SSBP2: variants seen among roughly 807,000 people sequenced by gnomAD.
The protein encoded by SSBP2 is single-stranded DNA-binding protein 2.
SSBP2 carries 17 observed loss-of-function variants against 61.8 expected under a neutral mutation model. That is an observed-to-expected ratio of 0.28 (90% CI 0.19 to 0.41). SSBP2 has a LOEUF of 0.41. SSBP2 is among the 10% of genes least tolerant of loss of function. The pLI is 1.00. For missense variants in SSBP2, 310 were observed against 458.7 expected (o/e 0.68, Z 2.96); for synonymous variants, 139 against 141.3 (o/e 0.98, Z 0.12).
intron 2 of SSBP2, among the ~76,000 whole-genome samples, chr5:81,640,589 TAAA>T (rs1748695323): frequency 6.6e-6 from 1 of 152,114 alleles, no homozygotes; most frequent in South Asian, 2.1e-4. Flanking sequence ...TCTTGGTTCA[TAAA>T]AAATAAGAAA....
intron 1 of SSBP2, among the ~76,000 whole-genome samples, chr5:81,741,508 C>T (rs996395490): frequency 2.0e-4 from 31 of 152,078 alleles, no homozygotes; most frequent in Non-Finnish European, 4.3e-4. Flanking sequence ...TATATTACCA[C>T]ATTAAAAAAG....
rs1001621848 is a variant in SSBP2, at chr5:81,414,931, C to T, written c.*5573G>A. 6.6e-6 allele frequency: 1 copy of T among 152,144 alleles called. No homozygotes were observed. Among genetic ancestry groups the T allele is most frequent in the Non-Finnish European group, 1.5e-5 (1 of 68,022 alleles). 9.4% of individuals were successfully genotyped at this position (152,144 alleles called of 1,614,324 possible). A position where few individuals can be genotyped will look rare whatever the true frequency, so the allele number is the denominator to read the frequency against. ...AAACTTCATATTACTATTCCCAACA[C>T]ACACACACAGGTACACGCAACATAT... is the stretch of plus-strand genomic sequence containing the variant. On this transcript the variant is annotated 3_prime_UTR_variant, in exon 17 of 17. Coordinates refer to ENST00000320672, the MANE Select transcript of SSBP2 (RefSeq NM_012446.5).
intron 6 of SSBP2, among the ~76,000 whole-genome samples, chr5:81,483,239 T>C (rs914976121): frequency 6.6e-6 from 1 of 152,134 alleles, no homozygotes; most frequent in East Asian, 1.9e-4. Context: ...AGTGAGCACA[T>C]GCTGTTGGCT....
rs1393945875 is a variant in SSBP2 at position 81,617,967 on chromosome 5, A to C, written c.198-2410T>G. On this transcript the variant is annotated intron_variant, in intron 3 of 16. Coordinates refer to ENST00000320672, the MANE Select transcript of SSBP2 (RefSeq NM_012446.5). Reference sequence around the variant, plus strand: ...CCTGAAGCAAGCGCTAAACATGGAAAGGAACAACCGGTACCAGCTGCTGCA... The same window carrying C: ...CCTGAAGCAAGCGCTAAACATGGAACGGAACAACCGGTACCAGCTGCTGCA... 2.2e-5 allele frequency among the ~76,000 whole-genome samples: 3 copies of C among 136,860 alleles called. 1 individual carries two copies. Among genetic ancestry groups the C allele is most frequent in the Non-Finnish European group, 4.9e-5 (3 of 61,852 alleles). The allele number at this position is 136,860 out of a possible 152,430, so 89.8% of individuals were successfully genotyped here.
Position 81,445,567 on chromosome 5 carries a change from A to G in SSBP2, c.778+1301T>C, listed in dbSNP as rs79524181. ...ATGAATTGTATCATTTTCAATGAAG[A>G]TGCCTTCAGGACACAGACCATTAAA... On this transcript the variant is annotated intron_variant, in intron 12 of 16. Transcript: ENST00000320672. Among the ~76,000 whole-genome samples, 48 of 152,268 alleles carry G rather than the reference A, an allele frequency of 3.2e-4. No individual in the cohort carries two copies. In the East Asian group the frequency reaches 9.3e-3, roughly 29 times the overall value.
intron 2 of SSBP2, among the ~76,000 whole-genome samples, chr5:81,640,046 A>AT (rs1303550871): frequency 6.6e-6 from 1 of 152,164 alleles, no homozygotes; most frequent in Admixed American, 6.5e-5. Context: ...AATAAGAGAA[A>AT]TTTTTTGAAG....
chr5:81,529,705 T>A (rs1770250813), intron 4 of SSBP2, among the ~76,000 whole-genome samples: 1 of 152,030 alleles, frequency 6.6e-6, no homozygotes, highest in South Asian at 2.1e-4. Context: ...AAGAACAACA[T>A]AGATATGCAC....
intron 15 of SSBP2, among the ~76,000 whole-genome samples, chr5:81,429,615 A>G (rs1437074614): frequency 6.6e-6 from 1 of 152,044 alleles, no homozygotes; most frequent in Non-Finnish European, 1.5e-5. Flanking sequence ...TGTTATTTCA[A>G]ATGGAAGAAA....
intron 4 of SSBP2, among the ~76,000 whole-genome samples, chr5:81,525,526 G>A (rs993384689): frequency 3.9e-5 from 6 of 151,988 alleles, no homozygotes; most frequent in African/African-American, 1.4e-4. Flanking sequence ...TTAATTCTAA[G>A]GGACTGTATC....
intron 5 of SSBP2, among the ~76,000 whole-genome samples, chr5:81,491,745 A>G (rs1268047630): frequency 2.0e-5 from 3 of 152,178 alleles, no homozygotes; most frequent in Non-Finnish European, 2.9e-5. Flanking sequence ...CCACTTATAA[A>G]CTCTAATCTT....
At chr5:81,640,464 T>C (rs1428765665) in intron 2 of SSBP2, among the ~76,000 whole-genome samples, 3 of 152,142 alleles carry the variant, frequency 2.0e-5, no homozygotes, top group Non-Finnish European at 2.9e-5. Flanking sequence ...CCAGAACACA[T>C]CATATAAATA....
intron 9 of SSBP2, among the ~76,000 whole-genome samples, chr5:81,465,142 G>T (rs1400303076): frequency 6.6e-6 from 1 of 151,826 alleles, no homozygotes; most frequent in Non-Finnish European, 1.5e-5. Flanking sequence ...ACTAAAAATG[G>T]TATAGGATCT....
intron 15 of SSBP2, among the ~76,000 whole-genome samples, chr5:81,436,299 T>G (rs1762675263): frequency 6.6e-6 from 1 of 152,044 alleles, no homozygotes; most frequent in African/African-American, 2.4e-5. Flanking sequence ...GGCAATTTTG[T>G]TTTGAAAACA....
intron 2 of SSBP2, among the ~76,000 whole-genome samples, chr5:81,641,103 T>C (rs1748743028): frequency 6.6e-6 from 1 of 152,170 alleles, no homozygotes; most frequent in Non-Finnish European, 1.5e-5. Context: ...TAGGTTTCAA[T>C]GCCAGGGTGT....
chr5:81,708,672 GA>G (rs11320502), intron 1 of SSBP2, among the ~76,000 whole-genome samples: 140,656 of 152,002 alleles, frequency 0.93, 65,276 homozygotes, highest in East Asian at 1. Flanking sequence ...AACTCTCCCT[GA>G]AAAATCCTTC....
At chr5:81,473,809 T>C (rs1248242493) in intron 7 of SSBP2, 39 bp from the exon 8 acceptor site, 2 of 1,581,710 alleles carry the variant, frequency 1.3e-6, no homozygotes, top group African/African-American at 2.7e-5. Flanking sequence ...GTAATGAGCA[T>C]GAGTACTAAA....
At chr5:81,641,333 A>C (rs447574) in intron 2 of SSBP2, among the ~76,000 whole-genome samples, 113,575 of 152,134 alleles carry the variant, frequency 0.75, 43,600 homozygotes, top group East Asian at 0.94. Context: ...GTTTTACATC[A>C]TATTATTCCT....
At chr5:81,536,806 G>A (rs551152832) in intron 4 of SSBP2, among the ~76,000 whole-genome samples, 78 of 152,160 alleles carry the variant, frequency 5.1e-4, no homozygotes, top group African/African-American at 1.8e-3. Flanking sequence ...CGGATCATGA[G>A]GTCAGGAAAT....
At chr5:81,683,022 G>A (rs951180076) in intron 1 of SSBP2, among the ~76,000 whole-genome samples, 4 of 149,614 alleles carry the variant, frequency 2.7e-5, no homozygotes, top group African/African-American at 7.3e-5. Flanking sequence ...AAAGAAATAA[G>A]TAAATGAGAG....
Sources: allele counts gnomAD v4.1 joint callset (sites outside exome capture counted in the v4.1 genomes callset), GRCh38; gene constraint gnomAD v4.1.1; transcripts MANE v1.5; gene names NCBI Gene and HGNC (gene_info 2026-07-23, HGNC 2026-07-21).